Variants in MYOM2 observed in about 807,000 individuals in gnomAD.
MYOM2 encodes the protein myomesin-2.
Under a neutral mutation model 187.6 loss-of-function variants are expected in MYOM2, and 254 were observed. That is an observed-to-expected ratio of 1.35 (90% CI 1.22 to 1.50). The LOEUF is 1.50. Ranked by LOEUF, MYOM2 falls within the 40% of genes most tolerant of loss-of-function variation. MYOM2 has a pLI of 0.00. For synonymous variants in MYOM2, 981 were observed against 753.8 expected, an observed-to-expected ratio of 1.30 and a Z score of -4.94; for missense variants, 2,796 against 1,924.0, an observed-to-expected ratio of 1.45 and a Z score of -8.48.
chr8:2,065,424 G>C (rs1818985759), intron 6 of MYOM2, among the ~76,000 whole-genome samples: 1 of 152,118 alleles, frequency 6.6e-6, no homozygotes, highest in Non-Finnish European at 1.5e-5. Flanking sequence ...CAAAAAATTA[G>C]CTGGGTGTGG....
chr8:2,078,377 A>G (rs1171616634), intron 11 of MYOM2, among the ~76,000 whole-genome samples: 1 of 152,182 alleles, frequency 6.6e-6, no homozygotes, highest in Non-Finnish European at 1.5e-5. Flanking sequence ...TGCCGTGACT[A>G]TGTCACGTAA....
chr8:2,076,315 C>T lies in MYOM2; in HGVS notation c.1262+33C>T, dbSNP rs77157834. The T allele has an allele frequency of 9.7e-3, 15,536 of 1,607,778 alleles. 110 individuals carry two copies. Among genetic ancestry groups the T allele is most frequent in the Middle Eastern group, 0.014 (82 of 5,728 alleles). Reference sequence around the variant, plus strand: ...TCTTGCATTCTCCCGGGGATGGGAACGTTCCGCATGGAATCTTACCATGGA... The same window carrying T: ...TCTTGCATTCTCCCGGGGATGGGAATGTTCCGCATGGAATCTTACCATGGA... On this transcript the variant is annotated intron_variant, in intron 11 of 36. Transcript: ENST00000262113.
intron 17 of MYOM2, among the ~76,000 whole-genome samples, chr8:2,095,441 C>T (rs556712714): frequency 3.3e-5 from 5 of 152,028 alleles, no homozygotes; most frequent in African/African-American, 1.2e-4. Flanking sequence ...ACAGGCACCA[C>T]CACCACGCCC....
chr8:2,141,303 A>G, intron 34 of MYOM2, 126 bp downstream of exon 34: 1 of 748,676 alleles, frequency 1.3e-6, no homozygotes, highest in Non-Finnish European at 2.2e-6. Flanking sequence ...CTGGGACAGA[A>G]GTGGGAATTT....
chr8:2,133,980 C>G (rs1339303073), intron 32 of MYOM2, among the ~76,000 whole-genome samples: 3 of 151,212 alleles, frequency 2.0e-5, no homozygotes, highest in African/African-American at 7.3e-5. Flanking sequence ...CTGTAGCCAC[C>G]TCCACCCTCT....
chr8:2,069,847 C>G (rs1027594568), intron 8 of MYOM2, among the ~76,000 whole-genome samples: 2 of 152,034 alleles, frequency 1.3e-5, no homozygotes, highest in African/African-American at 4.8e-5. Context: ...CGTTTTTGAA[C>G]TGGAAAAAAA....
chr8:2,092,425 G>C lies in MYOM2; in HGVS notation c.1908G>C (p.Lys636Asn), dbSNP rs1796337745. 2 of 1,614,176 alleles carry C rather than the reference G, an allele frequency of 1.2e-6. No homozygotes were observed. The highest frequency in any genetic ancestry group is 2.2e-5 in the East Asian group (1 of 44,872). ...TGGTGGTGCAGTGGGACCGACCTAA[G>C]CATGAGGAGGACCTGCTGGGCTACT... ...TSVVVQWDRP[K>N]HEEDLLGYYV... is the part of the protein sequence containing the mutation. The change falls in exon 16 of 37, where the codon AAG becomes AAC. Residue 636 changes from lysine to asparagine, a missense_variant. By Grantham distance (94) the Lys-to-Asn change is moderately conservative. Transcript: ENST00000262113.
At chr8:2,136,356 G>GA (rs1798070746) in intron 32 of MYOM2, among the ~76,000 whole-genome samples, 1 of 148,950 alleles carries the variant, frequency 6.7e-6, no homozygotes, top group African/African-American at 2.5e-5. Context: ...AGCTGTGACG[G>GA]AGGTGGGGCC....
At chr8:2,107,627 G>A (rs920988791) in intron 23 of MYOM2, among the ~76,000 whole-genome samples, 2 of 152,118 alleles carry the variant, frequency 1.3e-5, no homozygotes, top group Admixed American at 1.3e-4. Flanking sequence ...GAAAACTCAT[G>A]CACATTTAAC....
intron 32 of MYOM2, among the ~76,000 whole-genome samples, chr8:2,131,923 G>A (rs1043738076): frequency 2.0e-5 from 3 of 152,114 alleles, no homozygotes; most frequent in African/African-American, 4.8e-5. Context: ...GATTACAGGC[G>A]TGAGCTACCG....
chr8:2,132,908 C>G (rs1797925488), intron 32 of MYOM2, among the ~76,000 whole-genome samples: 1 of 152,216 alleles, frequency 6.6e-6, no homozygotes, highest in Non-Finnish European at 1.5e-5. Flanking sequence ...CCCGGCACAT[C>G]TTCGTCCTTA....
rs559179839 is a variant in MYOM2 at position 2,107,187 on chromosome 8, TG to T, written c.2998+591del. 2.6e-3 allele frequency among the ~76,000 whole-genome samples: 403 copies of T among 152,178 alleles called. 1 individual carries two copies. The highest frequency in any genetic ancestry group is 4.5e-3 in the Non-Finnish European group (306 of 68,004). On this transcript the variant is annotated intron_variant, in intron 23 of 36. Coordinates refer to ENST00000262113, the MANE Select transcript of MYOM2 (RefSeq NM_003970.4). Reference sequence around the variant, plus strand: ...GCAGGCAGGGCTGATTTTTTTAAACTGCCTAGCATCACGTGTATTTGTGTGG... The same window carrying T: ...GCAGGCAGGGCTGATTTTTTTAAACTCCTAGCATCACGTGTATTTGTGTGG...
chr8:2,083,280 G>A (rs1417994641), intron 13 of MYOM2, among the ~76,000 whole-genome samples: 1 of 152,252 alleles, frequency 6.6e-6, no homozygotes, highest in South Asian at 2.1e-4. Flanking sequence ...CCGTTGGCCA[G>A]TGTCTAGCCT....
At chr8:2,094,946 C>T (rs1294676807) in intron 17 of MYOM2, among the ~76,000 whole-genome samples, 1 of 152,120 alleles carries the variant, frequency 6.6e-6, no homozygotes, top group Non-Finnish European at 1.5e-5. Context: ...ATGAAATGCA[C>T]CTCAGGAAGT....
chr8:2,067,856 G>C (rs1488954786), intron 6 of MYOM2, among the ~76,000 whole-genome samples: 1 of 152,060 alleles, frequency 6.6e-6, no homozygotes, highest in African/African-American at 2.4e-5. Context: ...TCATGTCTTG[G>C]GATCATATTA....
intron 11 of MYOM2, among the ~76,000 whole-genome samples, chr8:2,078,425 T>C (rs1463870972): frequency 1.3e-5 from 2 of 152,176 alleles, no homozygotes; most frequent in African/African-American, 4.8e-5. Context: ...TCTAAAATAA[T>C]TTTTTGAGGA....
chr8:2,062,097 C>T (rs983236936), intron 6 of MYOM2, among the ~76,000 whole-genome samples: 6 of 152,278 alleles, frequency 3.9e-5, no homozygotes, highest in African/African-American at 1.4e-4. Flanking sequence ...GTGGGTGGGC[C>T]CCCTGGCACA....
At chr8:2,068,979 G>A (rs1819120995) in intron 6 of MYOM2, among the ~76,000 whole-genome samples, 1 of 152,188 alleles carries the variant, frequency 6.6e-6, no homozygotes, top group Non-Finnish European at 1.5e-5. Flanking sequence ...GGACCAGAAT[G>A]GAATAGAGAC....
intron 29 of MYOM2, 66 bp from the exon 30 acceptor site, chr8:2,123,489 G>A: frequency 5.4e-6 from 8 of 1,490,118 alleles, no homozygotes; most frequent in Non-Finnish European, 7.5e-6. Context: ...ATGTATTAGA[G>A]TTTATTACGT....
Sources: gnomAD v4.1 joint callset for allele counts (sites outside exome capture counted in the v4.1 genomes callset) on GRCh38, gnomAD v4.1.1 for gene constraint, MANE v1.5 for transcripts, NCBI Gene and HGNC (gene_info 2026-07-23, HGNC 2026-07-21) for gene names.